LRCH1: variants seen among roughly 807,000 people sequenced by gnomAD.
LRCH1 encodes leucine rich repeats and calponin homology domain containing 1.
LRCH1 carries 23 observed loss-of-function variants against 94.9 expected under a neutral mutation model. The ratio of observed to expected loss-of-function variants is 0.24; its 90% CI spans 0.17 to 0.34. LRCH1 has a LOEUF of 0.34. Among genes scored for constraint, LRCH1 ranks in the 10% least tolerant of loss-of-function variants. LRCH1 has a pLI of 1.00. For missense variants in LRCH1, 790 were observed against 945.9 expected (o/e 0.84, Z 2.16); for synonymous variants, 364 against 354.9 (o/e 1.03, Z -0.29).
At chr13:46,565,603 G>A (rs2050173977) in intron 1 of LRCH1, among the ~76,000 whole-genome samples, 1 of 151,910 alleles carries the variant, frequency 6.6e-6, no homozygotes, top group South Asian at 2.1e-4. Context: ...CTTGAGGCCA[G>A]GAGTTTGAGA....
intron 7 of LRCH1, among the ~76,000 whole-genome samples, chr13:46,690,069 A>AG (rs1452165799): frequency 1.6e-5 from 1 of 63,250 alleles, no homozygotes; most frequent in Non-Finnish European, 3.3e-5. Context: ...GTATGACTCC[A>AG]GGAAAAAAAC....
At chr13:46,558,572 CAAAAAAAAAAAAAA>C (rs575874794) in intron 1 of LRCH1, among the ~76,000 whole-genome samples, 1 of 34,402 alleles carries the variant, frequency 2.9e-5, no homozygotes, top group Non-Finnish European at 5.9e-5. Context: ...CCTGTGTCTA[CAAAAAAAAAAAAAA>C]AAAAAAAAAA....
chr13:46,706,873 C>G (rs1292017527), intron 13 of LRCH1, among the ~76,000 whole-genome samples: 1 of 152,238 alleles, frequency 6.6e-6, no homozygotes, highest in East Asian at 1.9e-4. Context: ...CTCTCTCTCT[C>G]TCCATACACA....
At chr13:46,570,713 C>T (rs1675670397) in intron 1 of LRCH1, among the ~76,000 whole-genome samples, 1 of 152,104 alleles carries the variant, frequency 6.6e-6, no homozygotes, top group Admixed American at 6.5e-5. Context: ...AAGAGTAGTA[C>T]CATAAAGAAT....
chr13:46,653,001 G>C (rs758527231), intron 2 of LRCH1, among the ~76,000 whole-genome samples: 85 of 152,204 alleles, frequency 5.6e-4, no homozygotes, highest in Non-Finnish European at 1.1e-3. Flanking sequence ...GCTGTCTTCA[G>C]ATGGGTAGGA....
At chr13:46,697,428 G>A (rs1871253066) in intron 9 of LRCH1, among the ~76,000 whole-genome samples, 2 of 152,150 alleles carry the variant, frequency 1.3e-5, no homozygotes, top group South Asian at 2.1e-4. Flanking sequence ...ACTCATGCCC[G>A]AAGGAAGCTT....
intron 16 of LRCH1, among the ~76,000 whole-genome samples, chr13:46,718,054 T>C (rs1872411381): frequency 6.6e-6 from 1 of 152,192 alleles, no homozygotes; most frequent in Non-Finnish European, 1.5e-5. Flanking sequence ...TTTAACCTGA[T>C]AGTTTAACTT....
At chr13:46,602,006 C>T (rs188744350) in intron 1 of LRCH1, among the ~76,000 whole-genome samples, 23 of 152,252 alleles carry the variant, frequency 1.5e-4, no homozygotes, top group Admixed American at 3.9e-4. Flanking sequence ...TGACTTGCAA[C>T]GTTGTCATAT....
chr13:46,748,059 T>C (rs1873980501), downstream of LRCH1, among the ~76,000 whole-genome samples: 1 of 152,214 alleles, frequency 6.6e-6, no homozygotes, highest in South Asian at 2.1e-4. Flanking sequence ...TGTAATTTGA[T>C]GCAAATACTT....
chr13:46,593,938 T>C (rs552149830), intron 1 of LRCH1, among the ~76,000 whole-genome samples: 6 of 152,342 alleles, frequency 3.9e-5, no homozygotes, highest in Admixed American at 2.0e-4. Context: ...TCATTTCCTC[T>C]ATAAAACTAA....
chr13:46,694,055 T>C (rs375596894), intron 8 of LRCH1, among the ~76,000 whole-genome samples: 5 of 152,374 alleles, frequency 3.3e-5, no homozygotes, highest in African/African-American at 9.6e-5. Flanking sequence ...CTGTATGCTT[T>C]ATATACAAAT....
chr13:46,721,309 C>G (rs887570267), intron 16 of LRCH1, among the ~76,000 whole-genome samples: 2 of 152,172 alleles, frequency 1.3e-5, no homozygotes, highest in East Asian at 1.9e-4. Flanking sequence ...AGAAAACATT[C>G]GATGTGTTTA....
chr13:46,711,198 T>G (rs1440827201), intron 13 of LRCH1, among the ~76,000 whole-genome samples: 4 of 152,202 alleles, frequency 2.6e-5, no homozygotes, highest in Admixed American at 2.6e-4. Flanking sequence ...TGCTACCATC[T>G]ACCCAGTCAT....
intron 1 of LRCH1, among the ~76,000 whole-genome samples, chr13:46,620,978 A>G (rs1339856991): frequency 6.6e-6 from 1 of 152,200 alleles, no homozygotes; most frequent in Non-Finnish European, 1.5e-5. Flanking sequence ...GGCTCTTAGA[A>G]CAGGGACTGG....
At position 46,657,692 on chromosome 13, in the gene LRCH1, ATTTTT is replaced by A. The variant is rs55823488; in HGVS notation, c.452+7359_452+7363del. ...AGACGTGCGCCACCATGCCCAGCTA[ATTTTT>A]TTTTTTTTTTTGGTAGAGATGGAAT... On this transcript the variant is annotated intron_variant, in intron 2 of 19. Transcript: ENST00000389797. Among the ~76,000 whole-genome samples the A allele has an allele frequency of 4.9e-4, 23 of 46,920 alleles. 2 individuals are homozygous for A. The highest frequency in any genetic ancestry group is 8.5e-4 in the Non-Finnish European group (22 of 25,910). The allele number at this position is 46,920 out of a possible 152,430, so 30.8% of individuals were successfully genotyped here.
At chr13:46,737,718 T>A (rs538224190) in intron 19 of LRCH1, among the ~76,000 whole-genome samples, 2 of 152,144 alleles carry the variant, frequency 1.3e-5, no homozygotes, top group Non-Finnish European at 2.9e-5. Context: ...AATGGACACA[T>A]TGGGGCTTCC....
At chr13:46,744,969 C>A, downstream of LRCH1, 1 of 901,198 alleles carries the variant, frequency 1.1e-6, no homozygotes. Flanking sequence ...TGACTTTGTT[C>A]ATTTTTGTGT....
chr13:46,673,547 G>A (rs904528805), intron 3 of LRCH1, among the ~76,000 whole-genome samples: 2 of 152,080 alleles, frequency 1.3e-5, no homozygotes, highest in South Asian at 2.1e-4. Context: ...TAGAATTGCC[G>A]TGGGAGGCTT....
chr13:46,697,501 G>A (rs1267519007), intron 9 of LRCH1, among the ~76,000 whole-genome samples: 1 of 152,148 alleles, frequency 6.6e-6, no homozygotes, highest in Non-Finnish European at 1.5e-5. Context: ...CTGAACACAA[G>A]GCAGCACTTC....
Sources: allele counts gnomAD v4.1 joint callset (sites outside exome capture counted in the v4.1 genomes callset), GRCh38; gene constraint gnomAD v4.1.1; transcripts MANE v1.5; gene names NCBI Gene and HGNC (gene_info 2026-07-23, HGNC 2026-07-21).